CYB5R2: variants seen among roughly 807,000 people sequenced by gnomAD.
CYB5R2 encodes the protein NADH-cytochrome b5 reductase 2.
A neutral mutation model predicts 29.8 loss-of-function variants in CYB5R2; 35 were observed. That is an observed-to-expected ratio of 1.17 (90% CI 0.90 to 1.56). CYB5R2 has a LOEUF of 1.56. Among genes scored for constraint, CYB5R2 ranks in the 40% most tolerant of loss-of-function variants. The pLI is 0.00. For synonymous variants in CYB5R2, 169 were observed against 130.6 expected (o/e 1.29, Z -2.01); for missense variants, 419 against 346.7 (o/e 1.21, Z -1.66).
In CYB5R2 at chr11:7,665,253, T is replaced by C. The variant is rs990204802; in HGVS notation, c.*121A>G. The C allele has an allele frequency of 2.4e-6, 2 of 820,414 alleles. No homozygotes were observed. Among genetic ancestry groups the C allele is most frequent in the Non-Finnish European group, 3.7e-6 (2 of 540,546 alleles). 50.8% of individuals were successfully genotyped at this position (820,414 alleles called of 1,614,324 possible). A position where few individuals can be genotyped will look rare whatever the true frequency, so the allele number is the denominator to read the frequency against. On this transcript the variant is annotated 3_prime_UTR_variant, in exon 9 of 9. Transcript: ENST00000299498. ...CCCACACCCAAAAGAGGAGAACCAG[T>C]GTGTGCGCGAAGGTACATGGCAAGG...
At position 7,669,240 on chromosome 11, in the gene CYB5R2, C is replaced by T. The variant is rs545206907; in HGVS notation, c.353G>A (p.Arg118Gln). 7.4e-6 allele frequency: 12 copies of T among 1,614,022 alleles called. No individual in the cohort carries two copies. The highest frequency in any genetic ancestry group is 1.6e-4 in the Middle Eastern group (1 of 6,062). ...NMKIGETIFF[R>Q]GPRGRLFYHG... ...GTAAAACAAGCGTCCCCTTGGCCCT[C>T]GAAAAAAGATGGTCTCCCCGATTTT... Residue 118 changes from arginine to glutamine, a missense_variant, in exon 5 of 9, where the codon CGA becomes CAA. Coordinates refer to ENST00000299498, the MANE Select transcript of CYB5R2 (RefSeq NM_016229.5).
chr11:7,667,728 C>G lies in CYB5R2; in HGVS notation c.558G>C (p.Gln186His). ...CACTGCAAGCTCAGCAGGAACTGAC[C>G]TGGTTGGCAAAGATGAGGGACATCC... The part of the protein sequence containing the change: ...RTRMSLIFAN[Q>H]TEEDILVRKE... The change falls in exon 7 of 9, where the codon CAG becomes CAC. Residue 186 changes from glutamine to histidine, a missense_variant and splice_region_variant. Coordinates refer to ENST00000299498, the MANE Select transcript of CYB5R2 (RefSeq NM_016229.5). 2 of 1,613,568 alleles carry G rather than the reference C, an allele frequency of 1.2e-6. No individual in the cohort carries two copies. The highest frequency in any genetic ancestry group is 1.7e-6 in the Non-Finnish European group (2 of 1,179,450).
chr11:7,665,346 A>C lies in CYB5R2; in HGVS notation c.*28T>G. ...TACTCTGAAACAGATGAAAAGGGAC[A>C]TGCAAAATTGCTGAGCACGTGGAGG... On this transcript the variant is annotated 3_prime_UTR_variant, in exon 9 of 9. Transcript: ENST00000299498. 1.4e-6 allele frequency: 2 copies of C among 1,473,672 alleles called. No homozygotes were observed. Among genetic ancestry groups the C allele is most frequent in the Non-Finnish European group, 1.8e-6 (2 of 1,103,656 alleles). 91.3% of individuals were successfully genotyped at this position (1,473,672 alleles called of 1,614,324 possible).
chr11:7,667,673 G>T, intron 7 of CYB5R2, 55 bp downstream of exon 7: 3 of 1,481,958 alleles, frequency 2.0e-6, no homozygotes, highest in Non-Finnish European at 1.9e-6. Context: ...ATGAAAACAA[G>T]AGCCCAGCTC....
intron 7 of CYB5R2, 111 bp from the exon 8 acceptor site, chr11:7,666,661 A>G (rs1855263841): frequency 1.5e-6 from 1 of 668,468 alleles, no homozygotes; most frequent in Admixed American, 2.7e-5. Flanking sequence ...CTCCAGCTGG[A>G]GTGCTCGCTG....
Position 7,666,339 on chromosome 11 carries a change from C to G in CYB5R2, c.658+112G>C, listed in dbSNP as rs1250948185. 4.3e-6 allele frequency: 3 copies of G among 705,624 alleles called. No individual in the cohort carries two copies. The African/African-American group carries it at 5.3e-5, about 13-fold the overall frequency. The allele number at this position is 705,624 out of a possible 1,614,324, so 43.7% of individuals were successfully genotyped here. A position where few individuals can be genotyped will look rare whatever the true frequency, so the allele number is the denominator to read the frequency against. ...CTGGAGCCAGAGCCCCAGGCTTAAC[C>G]CCCACATCTGGTCCTACAAAACTAA... is the stretch of plus-strand genomic sequence containing the variant. On this transcript the variant is annotated intron_variant, in intron 8 of 8. Coordinates refer to ENST00000299498, the MANE Select transcript of CYB5R2 (RefSeq NM_016229.5).
chr11:7,670,176 C>A (rs1325409848), intron 3 of CYB5R2: 1 of 176,142 alleles, frequency 5.7e-6, no homozygotes, highest in Non-Finnish European at 1.2e-5. Flanking sequence ...GATGGCGAAA[C>A]CCCATCTCTA....
intron 8 of CYB5R2, chr11:7,665,837 G>C (rs1855122986): frequency 2.0e-6 from 3 of 1,535,172 alleles, no homozygotes; most frequent in South Asian, 1.2e-5. Flanking sequence ...CGAGGTGTGT[G>C]AATCAGTACA....
chr11:7,671,828 T>C (rs1187278971), intron 3 of CYB5R2: 3 of 152,342 alleles, frequency 2.0e-5, no homozygotes, highest in Non-Finnish European at 4.4e-5. Flanking sequence ...AGATTAGAAA[T>C]GGGATAACTC....
rs1222943772 is a variant in CYB5R2 at position 7,669,314 on chromosome 11, G to T, written c.279C>A (p.His93Gln). The change falls in exon 5 of 9, where the codon CAC becomes CAA. Residue 93 changes from histidine to glutamine, a missense_variant. His to Gln is a conservative substitution (Grantham distance 24). Transcript: ENST00000299498. ...LIIKIYFKNV[H>Q]PQYPEGGKMT... ...TCTTCCCACCTTCAGGATATTGGGG[G>T]TGTACATTTTTGAAGTAGATCTGAA... 1 of 1,612,724 alleles carries T rather than the reference G, an allele frequency of 6.2e-7. No homozygotes were observed. Among genetic ancestry groups the T allele is most frequent in the Non-Finnish European group, 8.5e-7 (1 of 1,179,224 alleles).
intron 3 of CYB5R2, chr11:7,670,051 AGAGT>A (rs1344612224): frequency 3.4e-6 from 1 of 290,318 alleles, no homozygotes; most frequent in African/African-American, 2.3e-5. Context: ...TTAAAGTTGG[AGAGT>A]GAGTATTAAA....
chr11:7,669,834 C>A, intron 3 of CYB5R2, 103 bp from the exon 4 acceptor site: 2 of 827,980 alleles, frequency 2.4e-6, no homozygotes, highest in Non-Finnish European at 4.0e-6. Flanking sequence ...ACTGGGGGCA[C>A]AATGTTAAGA....
In CYB5R2 at chr11:7,669,667, G is replaced by A. The variant is rs757614236; in HGVS notation, c.216C>T (p.Val72=). The part of the protein sequence containing the change: ...NELVVRAYTP[V]SSDDDRGFVD... ...CAAAGCCTCTGTCATCATCACTGGA[G>A]ACAGGGGTGTAAGCCCTGACCACCA... The change falls in exon 4 of 9, where the codon GTC becomes GTT. Residue 72 remains valine (V), a synonymous_variant. Transcript: ENST00000299498. The A allele has an allele frequency of 6.2e-7, 1 of 1,612,994 alleles. No individual in the cohort carries two copies. Among genetic ancestry groups the A allele is most frequent in the East Asian group, 2.2e-5 (1 of 44,882 alleles).
intron 3 of CYB5R2, chr11:7,669,969 T>A (rs1855626502): frequency 8.1e-6 from 4 of 496,264 alleles, no homozygotes; most frequent in African/African-American, 8.0e-5. Context: ...TCTCTTCATC[T>A]GTAAAATGGG....
Position 7,672,867 on chromosome 11 carries a change from T to G in CYB5R2, c.-42A>C, listed in dbSNP as rs537781712. 63 of 1,613,794 alleles carry G rather than the reference T, an allele frequency of 3.9e-5. No homozygotes were observed. In the South Asian group the frequency reaches 6.4e-4, roughly 16 times the overall value. On this transcript the variant is annotated 5_prime_UTR_variant, in exon 2 of 9. Transcript: ENST00000299498. ...ACGAGCACAGTGACCCCAGTGACGG[T>G]GATGGTCAGGAGCAGGGACGGGTCC... is the stretch of plus-strand genomic sequence containing the variant.
At chr11:7,672,134 CAG>C (rs1235738313) in intron 3 of CYB5R2, 10 of 331,770 alleles carry the variant, frequency 3.0e-5, no homozygotes, top group African/African-American at 1.7e-4. Flanking sequence ...GACTGAGGCT[CAG>C]AGAGATTGAA....
At chr11:7,666,234 G>A (rs75431317) in intron 8 of CYB5R2, 1 of 594,078 alleles carries the variant, frequency 1.7e-6, no homozygotes. Context: ...TGCTGCTGAT[G>A]TATTAGACAC....
chr11:7,668,471 C>G lies in CYB5R2; in HGVS notation c.472+7G>C, dbSNP rs1855496697. 2 of 1,612,412 alleles carry G rather than the reference C, an allele frequency of 1.2e-6. No individual in the cohort carries two copies. Among genetic ancestry groups the G allele is most frequent in the Non-Finnish European group, 1.7e-6 (2 of 1,178,408 alleles). ...CTCTCTGGATGGAGCCCCTAGAAGC[C>G]TCTTACCTGTGCCCCCAGCAATCAT... On this transcript the variant is annotated splice_region_variant and intron_variant, in intron 6 of 8. Coordinates refer to ENST00000299498, the MANE Select transcript of CYB5R2 (RefSeq NM_016229.5).
chr11:7,672,577 G>A, intron 2 of CYB5R2, 54 bp from the exon 3 acceptor site: 2 of 1,579,694 alleles, frequency 1.3e-6, no homozygotes, highest in Non-Finnish European at 1.7e-6. Context: ...GCCTTGCTGG[G>A]CAGCTGAGAT....
Sources: gnomAD v4.1 joint callset for allele counts on GRCh38, gnomAD v4.1.1 for gene constraint, MANE v1.5 for transcripts, NCBI Gene and HGNC (gene_info 2026-07-23, HGNC 2026-07-21) for gene names.